CR1L: variants seen among roughly 807,000 people sequenced by gnomAD.
The protein encoded by CR1L is complement C3b/C4b receptor 1 like.
In CR1L, 59 loss-of-function variants were observed where a neutral mutation model predicts 62.3. That is an observed-to-expected ratio of 0.95 (90% CI 0.77 to 1.18). The LOEUF is 1.18. Among genes scored for constraint, CR1L ranks in the 50% most tolerant of loss-of-function variants. The pLI, the probability that CR1L is intolerant of heterozygous loss-of-function variation, is 0.00. For synonymous variants in CR1L, 279 were observed against 248.7 expected (o/e 1.12, Z -1.15); for missense variants, 700 against 702.8 (o/e 1.00, Z 0.04).
intron 10 of CR1L, among the ~76,000 whole-genome samples, chr1:207,715,767 G>T (rs1381733958): frequency 6.6e-6 from 1 of 151,912 alleles, no homozygotes; most frequent in Non-Finnish European, 1.5e-5. Flanking sequence ...TGCAATCACA[G>T]CTCACTGCAG....
chr1:207,645,206 A>T lies in CR1L; in HGVS notation c.-28A>T. ...TTTCGGTTTCTCTGCTCACCTCCGG[A>T]TAAATCACGGGGTCTCCCGCGCCGC... On this transcript the variant is annotated 5_prime_UTR_variant, in exon 1 of 12. Transcript: ENST00000508064. The T allele has an allele frequency of 6.2e-7, 1 of 1,610,628 alleles. No homozygotes were observed. Among genetic ancestry groups the T allele is most frequent in the Non-Finnish European group, 8.5e-7 (1 of 1,178,870 alleles).
chr1:207,645,307 T>C lies in CR1L; in HGVS notation c.74T>C (p.Val25Ala), dbSNP rs370530399. The change falls in exon 1 of 12, where the codon GTG becomes GCG. Residue 25 changes from valine (V) to alanine (A), a missense_variant. Physicochemically the swap from Val to Ala is moderately conservative, Grantham distance 64. Transcript: ENST00000508064. ...CCTGGGTTGCTTCTGGCGGCCCTGG[T>C]GTTGCTGCTGTCCTCCTTCTCCGGT... The part of the protein sequence containing the change: ...RFPGLLLAAL[V>A]LLLSSFSDQC... 19 of 1,614,050 alleles carry C rather than the reference T, an allele frequency of 1.2e-5. No homozygotes were observed. The highest frequency in any genetic ancestry group is 9.3e-5 in the African/African-American group (7 of 75,052).
intron 8 of CR1L, 148 bp from the exon 9 acceptor site, chr1:207,701,371 C>A: frequency 1.0e-6 from 1 of 952,844 alleles, no homozygotes; most frequent in Non-Finnish European, 1.6e-6. Flanking sequence ...TCCTGAGGCT[C>A]TCTGATGAGT....
rs1366732437 is a variant in CR1L at position 207,706,217 on chromosome 1, C to T, written c.1329-1961C>T. 4.6e-5 allele frequency among the ~76,000 whole-genome samples: 7 copies of T among 151,602 alleles called. 1 individual carries two copies. The highest frequency in any genetic ancestry group is 4.2e-4 in the South Asian group (2 of 4,800). On this transcript the variant is annotated intron_variant, in intron 9 of 11. Transcript: ENST00000508064. Reference sequence around the variant, plus strand: ...AGAGAATCACTTGACCCCAGGACCTCGAGACCAGCCTGGGCAATAAGGCAA... The same window carrying T: ...AGAGAATCACTTGACCCCAGGACCTTGAGACCAGCCTGGGCAATAAGGCAA...
At chr1:207,677,597 T>G in intron 2 of CR1L, 29 bp downstream of exon 2, 2 of 1,601,586 alleles carry the variant, frequency 1.2e-6, no homozygotes, top group Non-Finnish European at 1.7e-6. Flanking sequence ...GGAACCCCTC[T>G]GTTAGTCAAA....
chr1:207,679,171 T>A (rs1663755659), intron 3 of CR1L, among the ~76,000 whole-genome samples: 1 of 143,426 alleles, frequency 7.0e-6, no homozygotes, highest in African/African-American at 2.6e-5. Context: ...TTTTTTTTTT[T>A]TTTTTGTATT....
chr1:207,664,816 C>G (rs1023404571), intron 1 of CR1L, among the ~76,000 whole-genome samples: 1 of 151,958 alleles, frequency 6.6e-6, no homozygotes, highest in African/African-American at 2.4e-5. Context: ...TTTTTGTCAT[C>G]AGTAAGAGGA....
At chr1:207,659,489 G>A (rs768802745) in intron 1 of CR1L, among the ~76,000 whole-genome samples, 1 of 152,204 alleles carries the variant, frequency 6.6e-6, no homozygotes, top group African/African-American at 2.4e-5. Context: ...ATTAAGTTTT[G>A]TATGTTTTGA....
intron 1 of CR1L, among the ~76,000 whole-genome samples, chr1:207,648,174 AAC>A (rs71154832): frequency 0.015 from 1,862 of 125,322 alleles, 36 homozygotes; most frequent in African/African-American, 0.041. Context: ...CCCGGTCTCA[AAC>A]ACACACACAC....
chr1:207,703,065 G>A (rs1664217292), intron 9 of CR1L, among the ~76,000 whole-genome samples: 1 of 152,170 alleles, frequency 6.6e-6, no homozygotes, highest in Non-Finnish European at 1.5e-5. Flanking sequence ...TGATTCCTGA[G>A]GTTTAAGGAA....
chr1:207,684,121 T>C (rs541079648), intron 4 of CR1L, 164 bp downstream of exon 4: 4 of 525,592 alleles, frequency 7.6e-6, no homozygotes, highest in Non-Finnish European at 6.3e-6. Flanking sequence ...GGCAACTCTT[T>C]CTTTAAGTTC....
In CR1L at chr1:207,723,598, G is replaced by T; in HGVS notation, c.1643-20G>T. ...TTGCATGCCAGAGTGATGTTTTTGT[G>T]ACTTTTGTCTTCCTTTTAGGTTCAC... On this transcript the variant is annotated intron_variant, in intron 11 of 11. Coordinates refer to ENST00000508064, the MANE Select transcript of CR1L (RefSeq NM_175710.2). 2 of 1,577,380 alleles carry T rather than the reference G, an allele frequency of 1.3e-6. No individual in the cohort carries two copies. Among genetic ancestry groups the T allele is most frequent in the South Asian group, 1.1e-5 (1 of 87,152 alleles).
intron 4 of CR1L, among the ~76,000 whole-genome samples, chr1:207,694,087 C>T (rs371338668): frequency 4.1e-4 from 62 of 152,152 alleles, no homozygotes; most frequent in Middle Eastern, 6.8e-3. Context: ...TGTATAAACT[C>T]TATAATACTA....
At chr1:207,710,255 G>A in intron 10 of CR1L, 1 of 626,358 alleles carries the variant, frequency 1.6e-6, no homozygotes. Flanking sequence ...GAGGGGGGAG[G>A]ATTGCTTGAC....
intron 3 of CR1L, among the ~76,000 whole-genome samples, chr1:207,679,486 G>A (rs185963921): frequency 5.9e-4 from 90 of 152,214 alleles, no homozygotes; most frequent in African/African-American, 2.1e-3. Flanking sequence ...CTCATGCATT[G>A]CTGGTAGGAA....
chr1:207,689,800 A>T (rs1001177637), intron 4 of CR1L, among the ~76,000 whole-genome samples: 11 of 152,114 alleles, frequency 7.2e-5, no homozygotes, highest in African/African-American at 2.2e-4. Flanking sequence ...TAATAGCTAT[A>T]AAAGTATTAT....
intron 10 of CR1L, among the ~76,000 whole-genome samples, chr1:207,710,213 G>A (rs1430123838): frequency 1.3e-5 from 2 of 152,000 alleles, no homozygotes. Flanking sequence ...ATACGGTGGT[G>A]CGTGCCTGTA....
intron 4 of CR1L, among the ~76,000 whole-genome samples, chr1:207,688,738 CTTTAA>C (rs1272119150): frequency 6.6e-6 from 1 of 152,024 alleles, no homozygotes; most frequent in African/African-American, 2.4e-5. Flanking sequence ...TTGAAGTCTT[CTTTAA>C]TTTCTTTTAA....
rs2296158 is a variant in CR1L, at chr1:207,678,266, A to G, written c.346A>G (p.Arg116Gly). Residue 116 changes from arginine (R) to glycine (G), a missense_variant, in exon 3 of 12, where the codon AGA becomes GGA. Coordinates refer to ENST00000508064, the MANE Select transcript of CR1L (RefSeq NM_175710.2). ...ACATGTGATCAAAGACATCCAGTTCAGATCCCAAATTAAATATTCTTGTCC... is the reference window on the plus strand; with the variant it reads ...ACATGTGATCAAAGACATCCAGTTCGGATCCCAAATTAAATATTCTTGTCC... ...MAHVIKDIQF[R>G]SQIKYSCPKG... 832,871 of 1,612,184 alleles carry G rather than the reference A, an allele frequency of 0.52. 217,100 individuals carry two copies. The highest frequency in any genetic ancestry group is 0.65 in the East Asian group (29,360 of 44,846).
Sources: gnomAD v4.1 joint callset for allele counts (sites outside exome capture counted in the v4.1 genomes callset) on GRCh38, gnomAD v4.1.1 for gene constraint, MANE v1.5 for transcripts, NCBI Gene and HGNC (gene_info 2026-07-23, HGNC 2026-07-21) for gene names.